Variants in ARSF observed in about 807,000 individuals in gnomAD.
The protein encoded by ARSF is arylsulfatase F.
In ARSF, 33 loss-of-function variants were observed where a neutral mutation model predicts 35.4. That is an observed-to-expected ratio of 0.93 (90% CI 0.71 to 1.25). ARSF has a LOEUF of 1.25. ARSF is among the 50% of genes most tolerant of loss of function. The pLI is 0.00. For missense variants in ARSF, 501 were observed against 480.2 expected (o/e 1.04, Z -0.40); for synonymous variants, 222 against 193.1 (o/e 1.15, Z -1.24).
At chrX:3,059,354 G>A (rs748057500) in intron 1 of ARSF, among the ~76,000 whole-genome samples, 5 of 107,559 alleles carry the variant, frequency 4.6e-5, no homozygotes, top group Admixed American at 9.9e-5. Flanking sequence ...AAACAGCTCC[G>A]GTCTACAGCT....
At chrX:3,091,917 A>T (rs2090294056) in intron 7 of ARSF, among the ~76,000 whole-genome samples, 1 of 109,958 alleles carries the variant, frequency 9.1e-6, no homozygotes, top group East Asian at 2.8e-4. Context: ...TAGATGATTG[A>T]GAGATAGATA....
At chrX:3,073,767 A>G (rs1387634399) in intron 3 of ARSF, among the ~76,000 whole-genome samples, 1 of 98,856 alleles carries the variant, frequency 1.0e-5, no homozygotes, top group Non-Finnish European at 2.1e-5. Context: ...ATTCAATTAT[A>G]TATATTCATA....
intron 3 of ARSF, among the ~76,000 whole-genome samples, chrX:3,075,511 T>A (rs2090139689): frequency 9.2e-6 from 1 of 108,356 alleles, no homozygotes; most frequent in Middle Eastern, 4.7e-3. Context: ...TCTCTCTCTG[T>A]CTCTCTCTGT....
rs186107024 is a variant in ARSF at position 3,071,833 on chromosome X, C to T, written c.12-193C>T. On this transcript the variant is annotated intron_variant, in intron 2 of 10. Transcript: ENST00000381127. Reference sequence around the variant, plus strand: ...TTTATGCAAAGTGAGAAGCCAATAACGCATTACGTTGGGCACTTCCGCTAC... The same window carrying T: ...TTTATGCAAAGTGAGAAGCCAATAATGCATTACGTTGGGCACTTCCGCTAC... 1.6e-3 allele frequency among the ~76,000 whole-genome samples: 180 copies of T among 111,605 alleles called. 1 individual carries two copies. Among genetic ancestry groups the T allele is most frequent in the African/African-American group, 5.3e-3 (163 of 30,737 alleles).
intron 1 of ARSF, among the ~76,000 whole-genome samples, chrX:3,062,695 A>G (rs1447900341): frequency 8.9e-6 from 1 of 112,113 alleles, no homozygotes; most frequent in Non-Finnish European, 1.9e-5. Context: ...AATGAACTAG[A>G]AAATCTAGAA....
chrX:3,044,158 A>T (rs1440904820), intron 1 of ARSF, among the ~76,000 whole-genome samples: 1 of 112,358 alleles, frequency 8.9e-6, no homozygotes, highest in African/African-American at 3.2e-5. Flanking sequence ...AGCTCTAATC[A>T]AATGGCTTAA....
At chrX:3,110,767 G>A (rs1290174083) in intron 10 of ARSF, among the ~76,000 whole-genome samples, 3 of 111,113 alleles carry the variant, frequency 2.7e-5, no homozygotes, top group Non-Finnish European at 5.7e-5. Flanking sequence ...GCATGGTGGT[G>A]CACACCTGTA....
chrX:3,107,777 T>A (rs1157195305), intron 9 of ARSF, among the ~76,000 whole-genome samples: 2 of 111,797 alleles, frequency 1.8e-5, no homozygotes, highest in African/African-American at 6.5e-5. Flanking sequence ...ACATGTTTAT[T>A]TTCTTGACAT....
chrX:3,065,277 C>T (rs1297306386), intron 1 of ARSF, among the ~76,000 whole-genome samples: 1 of 82,987 alleles, frequency 1.2e-5, no homozygotes, highest in African/African-American at 5.1e-5. Flanking sequence ...ACACACCGGG[C>T]CTGTTGTGGG....
chrX:3,067,878 A>T (rs2147489859), intron 1 of ARSF, among the ~76,000 whole-genome samples, 195 bp from the exon 2 acceptor site: 1 of 110,590 alleles, frequency 9.0e-6, no homozygotes, highest in Non-Finnish European at 1.9e-5. Context: ...AAAGGTCAAA[A>T]GAATGAACTC....
intron 6 of ARSF, among the ~76,000 whole-genome samples, chrX:3,086,520 A>G (rs1416373258): frequency 6.2e-5 from 7 of 112,275 alleles, no homozygotes; most frequent in Admixed American, 4.7e-4. Context: ...CAGTTGCTAT[A>G]ACAAATCACT....
intron 9 of ARSF, among the ~76,000 whole-genome samples, chrX:3,106,431 C>A (rs940213689): frequency 4.5e-5 from 5 of 111,638 alleles, no homozygotes. Flanking sequence ...AGCTGTACTA[C>A]GTAGAAGGGA....
In ARSF at chrX:3,100,485, C is replaced by T. The variant is rs183756992; in HGVS notation, c.968-602C>T. Among the ~76,000 whole-genome samples the T allele has an allele frequency of 7.1e-5, 8 of 112,803 alleles. No individual in the cohort carries two copies. The East Asian group carries it at 2.2e-3, about 31-fold the overall frequency. ...AGGAAATTATCAAGGAGAATTTGTC[C>T]TTTTAAATGATACCAGTAGCAACTG... is the stretch of plus-strand genomic sequence containing the variant. On this transcript the variant is annotated intron_variant, in intron 7 of 10. Coordinates refer to ENST00000381127, the MANE Select transcript of ARSF (RefSeq NM_001201539.2).
At chrX:3,073,517 C>G (rs1400535435) in intron 3 of ARSF, among the ~76,000 whole-genome samples, 1 of 87,381 alleles carries the variant, frequency 1.1e-5, no homozygotes, top group Non-Finnish European at 2.1e-5. Context: ...CTGATCTGAT[C>G]ACTATACTAT....
intron 3 of ARSF, among the ~76,000 whole-genome samples, chrX:3,074,400 G>A (rs2090131591): frequency 9.0e-6 from 1 of 110,943 alleles, no homozygotes; most frequent in Non-Finnish European, 1.9e-5. Flanking sequence ...TGGTAAAGCT[G>A]GAACTTCTCC....
rs111280082 is a variant in ARSF, at chrX:3,101,894, T to C, written c.1102+673T>C. Among the ~76,000 whole-genome samples, 495 of 112,229 alleles carry C rather than the reference T, an allele frequency of 4.4e-3. 3 individuals carry two copies. Among genetic ancestry groups the C allele is most frequent in the Non-Finnish European group, 7.1e-3 (380 of 53,209 alleles). ...AAAATGTCGAGTATATTTTATCATA[T>C]GTCTTGAGAGAGATTTTAAAGTATT... On this transcript the variant is annotated intron_variant, in intron 8 of 10. Transcript: ENST00000381127.
In ARSF at chrX:3,112,561, A is replaced by AATC. The variant is rs778880434; in HGVS notation, c.*7_*9dup. 4 of 1,192,163 alleles carry AATC rather than the reference A, an allele frequency of 3.4e-6. No homozygotes were observed. In the African/African-American group the frequency reaches 7.5e-5, roughly 22 times the overall value. Reference sequence around the variant, plus strand: ...GGTCCTAACGAGAAGAGATAATTACAATCAGGCTACCAGAGGAAGCCTTTG... The same window carrying AATC: ...GGTCCTAACGAGAAGAGATAATTACAATCATCAGGCTACCAGAGGAAGCCTTTG... On this transcript the variant is annotated 3_prime_UTR_variant, in exon 11 of 11. Coordinates refer to ENST00000381127, the MANE Select transcript of ARSF (RefSeq NM_001201539.2).
At chrX:3,085,285 T>G (rs749912501) in intron 6 of ARSF, among the ~76,000 whole-genome samples, 2 of 107,725 alleles carry the variant, frequency 1.9e-5, no homozygotes, top group Admixed American at 1.0e-4. Flanking sequence ...ACAATATGTA[T>G]ATACTATACT....
intron 7 of ARSF, among the ~76,000 whole-genome samples, chrX:3,091,748 A>T (rs1354248951): frequency 8.9e-6 from 1 of 112,118 alleles, no homozygotes; most frequent in Non-Finnish European, 1.9e-5. Context: ...ATAGAAACAG[A>T]TGATTGACAG....
Sources: allele counts gnomAD v4.1 joint callset (sites outside exome capture counted in the v4.1 genomes callset), GRCh38; gene constraint gnomAD v4.1.1; transcripts MANE v1.5; gene names NCBI Gene and HGNC (gene_info 2026-07-23, HGNC 2026-07-21).